HCN2: variants seen among roughly 807,000 people sequenced by gnomAD.
HCN2 encodes hyperpolarization activated cyclic nucleotide gated potassium and sodium channel 2.
In HCN2, 20 loss-of-function variants were observed where a neutral mutation model predicts 52.3. That is an observed-to-expected ratio of 0.38 (90% confidence interval 0.27 to 0.56). The LOEUF (loss-of-function observed/expected upper bound fraction) is 0.56. HCN2 is among the 20% of genes least tolerant of loss of function. The probability of loss-of-function intolerance (pLI) is 0.71; values close to 1 mark genes in which losing one functional copy is unlikely to be tolerated. For missense variants in HCN2, 981 were observed against 1,207.7 expected (o/e 0.81, Z 2.78); for synonymous variants, 694 against 537.0 (o/e 1.29, Z -4.04).
Position 603,931 on chromosome 19 carries a change from C to G in HCN2, c.1020C>G (p.Leu340=), listed in dbSNP as rs1048015858. ...TCAGCCTCCTGCGGCTGCTGCGCCT[C>G]TCACGCCTGATCCGCTACATCCATC... ...KILSLLRLLR[L]SRLIRYIHQW... is the part of the protein sequence containing the mutation. Residue 340 remains leucine (L), a synonymous_variant, in exon 2 of 8, where the codon CTC becomes CTG. Coordinates refer to ENST00000251287, the MANE Select transcript of HCN2 (RefSeq NM_001194.4). 6.8e-6 allele frequency: 11 copies of G among 1,610,182 alleles called. No individual in the cohort carries two copies. Among genetic ancestry groups the G allele is most frequent in the East Asian group, 4.5e-5 (2 of 44,832 alleles).
chr19:616,989 T>C lies in HCN2; in HGVS notation c.*515T>C, dbSNP rs1004344938. The stretch of plus-strand genomic sequence containing the variant: ...GCAGCACCCCGCCTCCCTCCAGCAC[T>C]GGCACCGAGAGGCAGGCCTGGCTGC... On this transcript the variant is annotated 3_prime_UTR_variant, in exon 8 of 8. Coordinates refer to ENST00000251287, the MANE Select transcript of HCN2 (RefSeq NM_001194.4). 3.1e-5 allele frequency: 15 copies of C among 488,700 alleles called. No homozygotes were observed. The highest frequency in any genetic ancestry group is 2.5e-4 in the African/African-American group (13 of 51,050). The allele number at this position is 488,700 out of a possible 1,614,324, so 30.3% of individuals were successfully genotyped here.
intron 1 of HCN2, among the ~76,000 whole-genome samples, chr19:602,000 T>C (rs1482346976): frequency 6.6e-6 from 1 of 151,640 alleles, no homozygotes; most frequent in South Asian, 2.1e-4. Flanking sequence ...TGGTGCCAAG[T>C]CCGGCTCGGC....
chr19:601,403 G>C (rs939178522), intron 1 of HCN2, among the ~76,000 whole-genome samples: 2 of 152,186 alleles, frequency 1.3e-5, no homozygotes, highest in Non-Finnish European at 2.9e-5. Flanking sequence ...ACTCCTTTTC[G>C]TGGCTGAGTC....
chr19:610,665 A>C (rs533948569), intron 5 of HCN2, among the ~76,000 whole-genome samples: 71 of 152,274 alleles, frequency 4.7e-4, no homozygotes, highest in African/African-American at 1.7e-3. Flanking sequence ...GCGGGGCAGA[A>C]GCAGGGCAGG....
chr19:602,630 G>A (rs1983245120), intron 1 of HCN2, among the ~76,000 whole-genome samples: 1 of 152,178 alleles, frequency 6.6e-6, no homozygotes, highest in Non-Finnish European at 1.5e-5. Flanking sequence ...TCGCCCTGCT[G>A]CTTCCCAGTG....
At position 616,373 on chromosome 19, in the gene HCN2, G is replaced by A. The variant is rs1225721542; in HGVS notation, c.2569G>A (p.Ala857Thr). The A allele has an allele frequency of 2.4e-6, 3 of 1,227,346 alleles. No homozygotes were observed. Among genetic ancestry groups the A allele is most frequent in the Non-Finnish European group, 1.0e-6 (1 of 974,760 alleles). The allele number at this position is 1,227,346 out of a possible 1,614,324, so 76.0% of individuals were successfully genotyped here. A position where few individuals can be genotyped will look rare whatever the true frequency, so the allele number is the denominator to read the frequency against. Residue 857 changes from alanine (A) to threonine (T), a missense_variant, in exon 8 of 8, where the codon GCC becomes ACC. Transcript: ENST00000251287. ...GGGGCCCACGCCCGCTGCCCGGGCC[G>A]CCGCGCCCAGCCCGGACCGCAGGGA... ...RLGPTPAARA[A>T]APSPDRRDSA...
chr19:599,514 TC>T, intron 1 of HCN2, among the ~76,000 whole-genome samples: 1 of 151,884 alleles, frequency 6.6e-6, no homozygotes, highest in South Asian at 2.1e-4. Context: ...GCGCGGTGGC[TC>T]ACGCCTGTAA....
In HCN2 at chr19:611,092, G is replaced by A. The variant is rs191681852; in HGVS notation, c.1584+687G>A. 4.1e-4 allele frequency among the ~76,000 whole-genome samples: 61 copies of A among 149,468 alleles called. No individual in the cohort carries two copies. The East Asian group carries it at 7.7e-3, about 19-fold the overall frequency. ...TCCGTCGTTGGATCAGGGCCCACCC[G>A]GTTCCTCGTGGCCTCGCCTTAACTG... On this transcript the variant is annotated intron_variant, in intron 5 of 7. Coordinates refer to ENST00000251287, the MANE Select transcript of HCN2 (RefSeq NM_001194.4).
rs1054886214 is a variant in HCN2 at position 616,955 on chromosome 19, C to T, written c.*481C>T. ...CCCGTCCGCGCGCGTCCCCCGGTGA[C>T]CTCGGGGAGCAGCACCCCGCCTCCC... On this transcript the variant is annotated 3_prime_UTR_variant, in exon 8 of 8. Transcript: ENST00000251287. The T allele has an allele frequency of 4.6e-6, 2 of 431,982 alleles. No individual in the cohort carries two copies. Among genetic ancestry groups the T allele is most frequent in the African/African-American group, 2.0e-5 (1 of 49,182 alleles). 26.8% of individuals were successfully genotyped at this position (431,982 alleles called of 1,614,324 possible). A position where few individuals can be genotyped will look rare whatever the true frequency, so the allele number is the denominator to read the frequency against.
chr19:596,449 T>C (rs1449608069), intron 1 of HCN2, among the ~76,000 whole-genome samples: 1 of 152,190 alleles, frequency 6.6e-6, no homozygotes, highest in Non-Finnish European at 1.5e-5. Flanking sequence ...CATCCCGGCC[T>C]CCGGAGCTGG....
In HCN2 at chr19:591,954, C is replaced by T. The variant is rs1568360221; in HGVS notation, c.632+1377C>T. Among the ~76,000 whole-genome samples, 1 of 152,140 alleles carries T rather than the reference C, an allele frequency of 6.6e-6. No individual in the cohort carries two copies. Among genetic ancestry groups the T allele is most frequent in the African/African-American group, 2.4e-5 (1 of 41,422 alleles). The stretch of plus-strand genomic sequence containing the variant: ...TCCTGAGAGGTGAATACAGCTTTGA[C>T]CAGAAGCCTGGATTTCGAGACAGGC... On this transcript the variant is annotated intron_variant, in intron 1 of 7. Coordinates refer to ENST00000251287, the MANE Select transcript of HCN2 (RefSeq NM_001194.4). The surrounding 1 kb of genome is among the most constrained non-coding windows in gnomAD (Gnocchi z 4.1).
Position 592,157 on chromosome 19 carries a change from T to C in HCN2, c.632+1580T>C, listed in dbSNP as rs1009344842. 7.2e-5 allele frequency among the ~76,000 whole-genome samples: 11 copies of C among 152,136 alleles called. No homozygotes were observed. Among genetic ancestry groups the C allele is most frequent in the African/African-American group, 2.7e-4 (11 of 41,434 alleles). ...CTGGTCGGCCTGGCCCCACTTCCAG[T>C]CGGGCAGTGGCACCCCCTGACCGGA... On this transcript the variant is annotated intron_variant, in intron 1 of 7. Transcript: ENST00000251287. The surrounding 1 kb of genome is among the most constrained non-coding windows in gnomAD (Gnocchi z 4.8).
chr19:595,021 C>CAA (rs1350960262), intron 1 of HCN2, among the ~76,000 whole-genome samples: 2 of 151,710 alleles, frequency 1.3e-5, no homozygotes. Context: ...GGCAACATAG[C>CAA]AAGACCCCCA....
At chr19:609,516 G>A (rs536657192) in intron 4 of HCN2, among the ~76,000 whole-genome samples, 17 of 152,336 alleles carry the variant, frequency 1.1e-4, no homozygotes, top group African/African-American at 7.2e-5. Flanking sequence ...CTGTAATCCC[G>A]GCACTCTGGG....
Position 590,242 on chromosome 19 carries a change from C to G in HCN2, c.297C>G (p.Asn99Lys). The part of the protein sequence containing the change: ...GAASTAKGSP[N>K]GECGRGEPQC... ...CGAGCACGGCCAAGGGCAGCCCGAA[C>G]GGCGAGTGCGGGCGCGGCGAGCCGC... Residue 99 changes from asparagine to lysine, a missense_variant, in exon 1 of 8, where the codon AAC (asparagine) becomes AAG (lysine). Asn to Lys is a moderately conservative substitution (Grantham distance 94). Transcript: ENST00000251287. The surrounding 1 kb of genome is among the most constrained non-coding windows in gnomAD (Gnocchi z 7.2). 1 of 988,642 alleles carries G rather than the reference C, an allele frequency of 1.0e-6. No individual in the cohort carries two copies. Among genetic ancestry groups the G allele is most frequent in the Non-Finnish European group, 1.2e-6 (1 of 833,700 alleles). 61.2% of individuals were successfully genotyped at this position (988,642 alleles called of 1,614,324 possible). A position where few individuals can be genotyped will look rare whatever the true frequency, so the allele number is the denominator to read the frequency against.
At chr19:615,095 G>A (rs1243878336) in intron 7 of HCN2, among the ~76,000 whole-genome samples, 1 of 152,024 alleles carries the variant, frequency 6.6e-6, no homozygotes, top group Non-Finnish European at 1.5e-5. Flanking sequence ...TGTACAGGCA[G>A]GTGTTTTCGG....
intron 6 of HCN2, 55 bp downstream of exon 6, chr19:613,543 G>C: frequency 7.0e-7 from 1 of 1,420,872 alleles, no homozygotes; most frequent in Non-Finnish European, 9.6e-7. Context: ...CCCCCGCGGT[G>C]TGCAGAGCCA....
In HCN2 at chr19:613,762, C is replaced by T. The variant is rs1983772344; in HGVS notation, c.1826-90C>T. 3.0e-6 allele frequency: 4 copies of T among 1,329,438 alleles called. No individual in the cohort carries two copies. The South Asian group carries it at 5.4e-5, about 18-fold the overall frequency. The allele number at this position is 1,329,438 out of a possible 1,614,324, so 82.4% of individuals were successfully genotyped here. On this transcript the variant is annotated intron_variant, in intron 6 of 7. Coordinates refer to ENST00000251287, the MANE Select transcript of HCN2 (RefSeq NM_001194.4). ...CCTGGGTGGGAAGCGCCCACGCTGG[C>T]CAAGGTGCAGAGGCCGGGCCGTGTG... is the stretch of plus-strand genomic sequence containing the variant.
At chr19:614,708 G>T (rs1321539594) in intron 7 of HCN2, among the ~76,000 whole-genome samples, 1 of 152,070 alleles carries the variant, frequency 6.6e-6, no homozygotes, top group East Asian at 1.9e-4. Flanking sequence ...TAAATCAGGA[G>T]CATCAGGGAG....
Sources: gnomAD v4.1 joint callset for allele counts (sites outside exome capture counted in the v4.1 genomes callset) on GRCh38, gnomAD v4.1.1 for gene constraint, Gnocchi (gnomAD v3.1) non-coding constraint, MANE v1.5 for transcripts, NCBI Gene and HGNC (gene_info 2026-07-23, HGNC 2026-07-21) for gene names.